Variants in UIMC1 observed in about 807,000 individuals in gnomAD.
UIMC1 encodes BRCA1-A complex subunit RAP80.
A neutral mutation model predicts 84.9 loss-of-function variants in UIMC1; 42 were observed. The ratio of observed to expected loss-of-function variants is 0.49; its 90% CI spans 0.39 to 0.64. UIMC1 has a LOEUF of 0.64. Among genes scored for constraint, UIMC1 ranks in the 30% least tolerant of loss-of-function variants. The pLI, the probability that UIMC1 is intolerant of heterozygous loss-of-function variation, is 0.00. For synonymous variants in UIMC1, 281 were observed against 293.0 expected (o/e 0.96, Z 0.42); for missense variants, 825 against 847.6 (o/e 0.97, Z 0.33).
intron 9 of UIMC1, among the ~76,000 whole-genome samples, chr5:176,947,224 C>T (rs1326655789): frequency 1.3e-5 from 2 of 152,116 alleles, no homozygotes; most frequent in African/African-American, 2.4e-5. Flanking sequence ...TTCCCAGCAT[C>T]ATTTAAAAAG....
chr5:176,940,184 G>A (rs184420547), intron 10 of UIMC1, among the ~76,000 whole-genome samples: 5 of 152,354 alleles, frequency 3.3e-5, no homozygotes, highest in African/African-American at 7.2e-5. Context: ...ATTTGGGGAT[G>A]TGAGTTTGAG....
At position 176,958,129 on chromosome 5, in the gene UIMC1, G is replaced by T. The variant is rs762850286; in HGVS notation, c.1226C>A (p.Thr409Asn). Reference protein sequence around the residue: ...GQSSQGIVEETSEEGNSVPAS... With the variant: ...GQSSQGIVEENSEEGNSVPAS... Reference sequence around the variant, plus strand: ...AGGTACAGAGTTTCCCTCTTCAGAAGTTTCTTCAACAATCCCTTGGGAAGA... The same window carrying T: ...AGGTACAGAGTTTCCCTCTTCAGAATTTTCTTCAACAATCCCTTGGGAAGA... The change falls in exon 7 of 15, where the codon ACT becomes AAT. Residue 409 changes from threonine to asparagine, a missense_variant. Coordinates refer to ENST00000511320, the MANE Select transcript of UIMC1 (RefSeq NM_001199298.2). 8 of 1,613,700 alleles carry T rather than the reference G, an allele frequency of 5.0e-6. No individual in the cohort carries two copies. In the East Asian group the frequency reaches 1.6e-4, roughly 31 times the overall value.
chr5:176,926,340 G>C (rs189495515), intron 10 of UIMC1, among the ~76,000 whole-genome samples: 12 of 152,038 alleles, frequency 7.9e-5, no homozygotes, highest in Non-Finnish European at 1.8e-4. Flanking sequence ...GAATGATCTT[G>C]TTCTTAAGAG....
chr5:176,989,084 A>T (rs1772440745), intron 1 of UIMC1, among the ~76,000 whole-genome samples: 1 of 152,180 alleles, frequency 6.6e-6, no homozygotes, highest in South Asian at 2.1e-4. Context: ...ATTTAAATAA[A>T]GCCACCTTAA....
intron 10 of UIMC1, among the ~76,000 whole-genome samples, chr5:176,938,346 A>T (rs1763973146): frequency 6.6e-6 from 1 of 152,070 alleles, no homozygotes; most frequent in Non-Finnish European, 1.5e-5. Flanking sequence ...ACAATCACTA[A>T]CTTCTGTCTC....
intron 1 of UIMC1, among the ~76,000 whole-genome samples, chr5:177,020,896 T>G (rs1346643276): frequency 6.6e-6 from 1 of 152,216 alleles, no homozygotes; most frequent in Non-Finnish European, 1.5e-5. Context: ...GCTAGTAATA[T>G]TAAAAGCTTC....
intron 1 of UIMC1, among the ~76,000 whole-genome samples, chr5:177,000,498 C>CTTTTTTTTTTGTTTTTTTTTTTTT (rs1774284920): frequency 8.8e-6 from 1 of 113,338 alleles, no homozygotes; most frequent in African/African-American, 4.0e-5. Flanking sequence ...ACTTGCATGT[C>CTTTTTTTTTTGTTTTTTTTTTTTT]TTTTTTTTTT....
At chr5:177,012,602 A>G (rs959638836) in intron 1 of UIMC1, among the ~76,000 whole-genome samples, 1 of 152,062 alleles carries the variant, frequency 6.6e-6, no homozygotes, top group Non-Finnish European at 1.5e-5. Flanking sequence ...CTGAGGCAAG[A>G]GAATCACTTG....
intron 2 of UIMC1, among the ~76,000 whole-genome samples, chr5:176,978,689 C>T (rs988925818): frequency 6.6e-6 from 1 of 152,072 alleles, no homozygotes; most frequent in Middle Eastern, 3.4e-3. Flanking sequence ...TGATTTATTT[C>T]AGAAATGCAA....
chr5:176,960,578 T>TAA (rs1341266221), intron 6 of UIMC1, among the ~76,000 whole-genome samples: 2 of 85,446 alleles, frequency 2.3e-5, no homozygotes, highest in African/African-American at 1.6e-4. Context: ...CATTGAATCT[T>TAA]AAAAAAAAAA....
At chr5:176,959,468 G>C (rs975372404) in intron 6 of UIMC1, among the ~76,000 whole-genome samples, 1 of 152,012 alleles carries the variant, frequency 6.6e-6, no homozygotes, top group Non-Finnish European at 1.5e-5. Context: ...TGTAATCCCA[G>C]CACTTTGGGA....
At chr5:177,009,906 G>A (rs535391714), upstream of UIMC1, among the ~76,000 whole-genome samples, 253 of 152,278 alleles carry the variant, frequency 1.7e-3, no homozygotes, top group African/African-American at 5.7e-3. This position sits in a 1 kb window ranked among gnomAD's most constrained non-coding sequence, Gnocchi z 4.3. Context: ...GTGGTGGCAC[G>A]CGCCAGTAAG....
chr5:176,928,228 C>T (rs944945102), intron 10 of UIMC1, among the ~76,000 whole-genome samples: 1 of 152,150 alleles, frequency 6.6e-6, no homozygotes, highest in Non-Finnish European at 1.5e-5. Context: ...AGTGCTTTAA[C>T]AGCAGAGTTG....
At chr5:176,925,529 C>G (rs1762286432) in intron 10 of UIMC1, among the ~76,000 whole-genome samples, 1 of 151,964 alleles carries the variant, frequency 6.6e-6, no homozygotes, top group Non-Finnish European at 1.5e-5. Context: ...AGAATGTTCA[C>G]AGCAGCATTC....
intron 3 of UIMC1, 73 bp downstream of exon 3, chr5:176,975,323 C>T: frequency 6.9e-6 from 10 of 1,444,630 alleles, no homozygotes; most frequent in Non-Finnish European, 7.7e-6. Context: ...GCAACATAAT[C>T]AACTAGTCCA....
At chr5:176,947,163 T>C (rs1467630347) in intron 9 of UIMC1, among the ~76,000 whole-genome samples, 3 of 152,286 alleles carry the variant, frequency 2.0e-5, no homozygotes, top group East Asian at 1.9e-4. Flanking sequence ...CCACTGTTCA[T>C]AGGCAACCCT....
chr5:177,019,540 G>A (rs983445958), intron 1 of UIMC1, among the ~76,000 whole-genome samples: 4 of 151,868 alleles, frequency 2.6e-5, no homozygotes, highest in African/African-American at 9.7e-5. Flanking sequence ...TACTCAGGAG[G>A]CTGAGGCTGG....
intron 1 of UIMC1, among the ~76,000 whole-genome samples, chr5:176,998,627 C>T (rs376934179): frequency 2.0e-5 from 3 of 151,704 alleles, no homozygotes; most frequent in African/African-American, 7.3e-5. Context: ...ATTAGCCAGG[C>T]GTGGTGGTGC....
chr5:176,980,653 A>G (rs1008371070), intron 2 of UIMC1, among the ~76,000 whole-genome samples: 6 of 152,146 alleles, frequency 3.9e-5, no homozygotes, highest in Admixed American at 2.6e-4. Flanking sequence ...ATTTTTTTTT[A>G]AACATATATG....
Sources: allele counts gnomAD v4.1 joint callset (sites outside exome capture counted in the v4.1 genomes callset), GRCh38; gene constraint gnomAD v4.1.1; non-coding constraint Gnocchi (gnomAD v3.1); transcripts MANE v1.5; gene names NCBI Gene and HGNC (gene_info 2026-07-23, HGNC 2026-07-21).